Variants in ANKDD1A observed in about 807,000 individuals in gnomAD.
The protein encoded by ANKDD1A is ankyrin repeat and death domain-containing protein 1A.
In ANKDD1A, 59 loss-of-function variants were observed where a neutral mutation model predicts 63.5. That is an observed-to-expected ratio of 0.93 (90% CI 0.75 to 1.15). The LOEUF (loss-of-function observed/expected upper bound fraction) is 1.15. Among genes scored for constraint, ANKDD1A ranks in the 50% most tolerant of loss-of-function variants. The probability of loss-of-function intolerance (pLI) is 0.00; values close to 1 mark genes in which losing one functional copy is unlikely to be tolerated. For synonymous variants in ANKDD1A, 266 were observed against 263.9 expected (o/e 1.01, Z -0.08); for missense variants, 632 against 656.4 (o/e 0.96, Z 0.41).
At chr15:64,918,506 C>T (rs1202923726) in intron 3 of ANKDD1A, among the ~76,000 whole-genome samples, 2 of 152,190 alleles carry the variant, frequency 1.3e-5, no homozygotes, top group South Asian at 4.1e-4. Context: ...GATCCTTAGC[C>T]TGAGCTCCCT....
intron 6 of ANKDD1A, 85 bp from the exon 7 acceptor site, chr15:64,930,737 A>G (rs2085083092): frequency 7.4e-7 from 1 of 1,357,424 alleles, no homozygotes; most frequent in Non-Finnish European, 1.0e-6. Flanking sequence ...GCACTGACCC[A>G]GTGTGCATGG....
At chr15:64,941,354 G>A (rs1413243278) in intron 9 of ANKDD1A, among the ~76,000 whole-genome samples, 1 of 152,134 alleles carries the variant, frequency 6.6e-6, no homozygotes, top group Non-Finnish European at 1.5e-5. Flanking sequence ...ATAAAGAATG[G>A]AGATTTATTT....
At chr15:64,938,165 C>G (rs142337672) in intron 9 of ANKDD1A, among the ~76,000 whole-genome samples, 26 of 152,202 alleles carry the variant, frequency 1.7e-4, no homozygotes, top group African/African-American at 6.0e-4. Context: ...ATATCCCATG[C>G]GGAAGAATTT....
intron 5 of ANKDD1A, among the ~76,000 whole-genome samples, chr15:64,926,621 G>T (rs966579546): frequency 6.6e-6 from 1 of 152,168 alleles, no homozygotes; most frequent in Admixed American, 6.5e-5. Flanking sequence ...TCCCTCTGGC[G>T]ATCTCAACCC....
intron 14 of ANKDD1A, among the ~76,000 whole-genome samples, chr15:64,952,856 C>CCTT (rs931091082): frequency 1.2e-3 from 17 of 14,208 alleles, no homozygotes; most frequent in East Asian, 0.018. Flanking sequence ...TGTCTCTTCT[C>CCTT]CTTCTTCTTT....
intron 2 of ANKDD1A, 62 bp from the exon 3 acceptor site, chr15:64,917,324 G>T: frequency 6.5e-7 from 1 of 1,535,364 alleles, no homozygotes; most frequent in Non-Finnish European, 8.8e-7. Flanking sequence ...GGAGGGTGTG[G>T]GAGGTGGTCC....
rs1019434841 is a variant in ANKDD1A, at chr15:64,950,392, T to C, written c.1483+420T>C. Reference sequence around the variant, plus strand: ...CCAGTCAAATCTGGTCAAATAAACCTTCTGAGGTCATCACAACTTATTTGA... The same window carrying C: ...CCAGTCAAATCTGGTCAAATAAACCCTCTGAGGTCATCACAACTTATTTGA... On this transcript the variant is annotated intron_variant, in intron 14 of 14. Transcript: ENST00000319580. 4.7e-5 allele frequency: 46 copies of C among 985,320 alleles called. No individual in the cohort carries two copies. The African/African-American group carries it at 7.9e-4, about 17-fold the overall frequency. 61.0% of individuals were successfully genotyped at this position (985,320 alleles called of 1,614,324 possible).
intron 4 of ANKDD1A, chr15:64,922,295 C>A: frequency 2.4e-6 from 1 of 412,036 alleles, no homozygotes; most frequent in East Asian, 4.8e-5. Flanking sequence ...GAGGTGAGGT[C>A]TCCTCCACCC....
chr15:64,950,463 AATC>A (rs1187696175), intron 14 of ANKDD1A: 1 of 985,286 alleles, frequency 1.0e-6, no homozygotes. Context: ...TGTTCTGTGG[AATC>A]ATCAGACAAG....
intron 6 of ANKDD1A, 132 bp downstream of exon 6, chr15:64,927,131 T>C (rs1469056068): frequency 2.1e-5 from 18 of 874,806 alleles, no homozygotes. Context: ...AAGATGAGAG[T>C]GTATTTAGTG....
intron 3 of ANKDD1A, among the ~76,000 whole-genome samples, chr15:64,918,426 C>T (rs1435278552): frequency 2.0e-5 from 3 of 152,176 alleles, no homozygotes; most frequent in Non-Finnish European, 4.4e-5. Flanking sequence ...TCCCCCATTC[C>T]CCAATCCTGT....
At chr15:64,915,402 G>A (rs2084961712) in intron 1 of ANKDD1A, among the ~76,000 whole-genome samples, 1 of 152,208 alleles carries the variant, frequency 6.6e-6, no homozygotes, top group African/African-American at 2.4e-5. Flanking sequence ...GTAAATCCTG[G>A]CTGTGTAGAC....
chr15:64,916,017 G>T, intron 2 of ANKDD1A, 117 bp downstream of exon 2: 1 of 993,420 alleles, frequency 1.0e-6, no homozygotes, highest in Non-Finnish European at 1.5e-6. Context: ...TGTAAACTTG[G>T]AGGGAGGCTC....
chr15:64,949,776 G>A, intron 13 of ANKDD1A, 65 bp from the exon 14 acceptor site: 1 of 1,579,744 alleles, frequency 6.3e-7, no homozygotes, highest in South Asian at 1.1e-5. Flanking sequence ...GCATAGACAG[G>A]CGCTCTGGTC....
chr15:64,942,897 A>T (rs1330641500), intron 10 of ANKDD1A, among the ~76,000 whole-genome samples: 1 of 152,156 alleles, frequency 6.6e-6, no homozygotes, highest in African/African-American at 2.4e-5. Context: ...AGTCTTGTGT[A>T]ACAAGAGGCC....
At chr15:64,914,004 T>TTTTTG in intron 1 of ANKDD1A, 1 of 151,956 alleles carries the variant, frequency 6.6e-6, no homozygotes, top group Admixed American at 6.6e-5. Context: ...TTTTTTTTTT[T>TTTTTG]TTGAGATGGA....
intron 14 of ANKDD1A, among the ~76,000 whole-genome samples, chr15:64,954,508 T>C (rs1268034569): frequency 7.6e-6 from 1 of 131,204 alleles, no homozygotes; most frequent in Non-Finnish European, 1.7e-5. Context: ...TTCTTCCTTC[T>C]TCTCCTCTTT....
rs201051822 is a variant in ANKDD1A at position 64,917,527 on chromosome 15, C to G, written c.267+13C>G. On this transcript the variant is annotated intron_variant, in intron 3 of 14. Transcript: ENST00000319580. The stretch of plus-strand genomic sequence containing the variant: ...GGCACGTCTGTGTGTACGTGTCTGT[C>G]TGTCTGTCTGTCTCAGGGTGGTGGG... 6.0e-4 allele frequency: 935 copies of G among 1,553,084 alleles called. 6 individuals are homozygous for G. In the African/African-American group the frequency reaches 9.9e-3, roughly 16 times the overall value.
At position 64,952,767 on chromosome 15, in the gene ANKDD1A, TTTC is replaced by T. The variant is rs1462758702; in HGVS notation, c.1483+2798_1483+2800del. 3.1e-4 allele frequency among the ~76,000 whole-genome samples: 36 copies of T among 116,048 alleles called. No individual in the cohort carries two copies. The East Asian group carries it at 6.2e-3, about 20-fold the overall frequency. 76.1% of individuals were successfully genotyped at this position (116,048 alleles called of 152,430 possible). ...TTCTTTCCTCTTCTCCTCCTCCTCCTTTCTTTTCTTCTTCCTTCTCCTTCTTCT... is the reference window on the plus strand; with the variant it reads ...TTCTTTCCTCTTCTCCTCCTCCTCCTTTTTCTTCTTCCTTCTCCTTCTTCT... On this transcript the variant is annotated intron_variant, in intron 14 of 14. Transcript: ENST00000319580.
Sources: allele counts gnomAD v4.1 joint callset (sites outside exome capture counted in the v4.1 genomes callset), GRCh38; gene constraint gnomAD v4.1.1; transcripts MANE v1.5; gene names NCBI Gene and HGNC (gene_info 2026-07-23, HGNC 2026-07-21).